Variants in MLXIP observed in about 807,000 individuals in gnomAD.
MLXIP encodes the protein MLX-interacting protein.
In MLXIP, 30 loss-of-function variants were observed where a neutral mutation model predicts 87.2. The observed-to-expected ratio is 0.34, with a 90% confidence interval of 0.26 to 0.47. The LOEUF is 0.47. Among genes scored for constraint, MLXIP ranks in the 20% least tolerant of loss-of-function variants. The probability of loss-of-function intolerance (pLI) is 1.00; values close to 1 mark genes in which losing one functional copy is unlikely to be tolerated. For synonymous variants in MLXIP, 530 were observed against 514.0 expected, an observed-to-expected ratio of 1.03 and a Z score of -0.42; for missense variants, 1,002 against 1,240.1, an observed-to-expected ratio of 0.81 and a Z score of 2.88.
At chr12:122,119,025 G>A (rs1952736212) in intron 1 of MLXIP, among the ~76,000 whole-genome samples, 1 of 151,880 alleles carries the variant, frequency 6.6e-6, no homozygotes, top group Non-Finnish European at 1.5e-5. Flanking sequence ...AATTAGCTGG[G>A]CATGGTGGCG....
At chr12:122,093,495 T>C (rs984358318) in intron 1 of MLXIP, among the ~76,000 whole-genome samples, 87 of 142,252 alleles carry the variant, frequency 6.1e-4, no homozygotes, top group Non-Finnish European at 1.2e-3. Context: ...GGTGTGTGTG[T>C]GCGGTGTCTG....
chr12:122,082,597 T>G (rs1374545298), intron 1 of MLXIP, among the ~76,000 whole-genome samples: 1 of 152,196 alleles, frequency 6.6e-6, no homozygotes, highest in African/African-American at 2.4e-5. Context: ...ATCTGACATT[T>G]ATGAGGAGCC....
chr12:122,101,374 A>G (rs145057377), intron 1 of MLXIP, among the ~76,000 whole-genome samples: 2,284 of 151,534 alleles, frequency 0.015, 43 homozygotes, highest in African/African-American at 0.052. Context: ...GTAGGTAAAA[A>G]TAGACCTGCA....
chr12:122,101,681 C>T (rs1335811785), intron 1 of MLXIP, among the ~76,000 whole-genome samples: 2 of 149,822 alleles, frequency 1.3e-5, no homozygotes, highest in African/African-American at 2.5e-5. Flanking sequence ...CCCAGGTTCA[C>T]GCCATTCTCC....
At chr12:122,112,040 A>G (rs1777961487) in intron 1 of MLXIP, among the ~76,000 whole-genome samples, 1 of 152,244 alleles carries the variant, frequency 6.6e-6, no homozygotes, top group African/African-American at 2.4e-5. Flanking sequence ...AGAATTCTAA[A>G]ATTGTTTTAA....
intron 1 of MLXIP, among the ~76,000 whole-genome samples, chr12:122,093,801 GGT>G (rs1488287863): frequency 7.1e-6 from 1 of 140,370 alleles, no homozygotes; most frequent in Admixed American, 7.1e-5. Context: ...TGTGTGTGTC[GGT>G]GTGTGTCGTG....
chr12:122,137,286 A>G lies in MLXIP; in HGVS notation c.2033-183A>G. 1 of 570,756 alleles carries G rather than the reference A, an allele frequency of 1.8e-6. No homozygotes were observed. Among genetic ancestry groups the G allele is most frequent in the African/African-American group, 1.9e-5 (1 of 52,126 alleles). The allele number at this position is 570,756 out of a possible 1,614,324, so 35.4% of individuals were successfully genotyped here. On this transcript the variant is annotated intron_variant, in intron 11 of 16. Coordinates refer to ENST00000319080, the MANE Select transcript of MLXIP (RefSeq NM_014938.6). This position sits in a 1 kb window ranked among gnomAD's most constrained non-coding sequence, Gnocchi z 4.1. The stretch of plus-strand genomic sequence containing the variant: ...TAAGGGTGTTTTTGTTGTTGTTATT[A>G]ATTTAAGATTTTCAGGGAGTGAATA...
chr12:122,105,251 C>T (rs1348801461), intron 1 of MLXIP, among the ~76,000 whole-genome samples: 2 of 152,152 alleles, frequency 1.3e-5, no homozygotes, highest in African/African-American at 4.8e-5. Flanking sequence ...GCTCCTTACA[C>T]CTTAAGGACT....
At chr12:122,097,359 G>A (rs1952369751) in intron 1 of MLXIP, among the ~76,000 whole-genome samples, 2 of 151,980 alleles carry the variant, frequency 1.3e-5, no homozygotes, top group South Asian at 2.1e-4. Context: ...GGTGGCTCAC[G>A]CCTGTAATCA....
intron 1 of MLXIP, among the ~76,000 whole-genome samples, chr12:122,112,435 G>A (rs931373996): frequency 1.3e-5 from 2 of 152,090 alleles, no homozygotes; most frequent in African/African-American, 4.8e-5. Context: ...TCAGGAGGTC[G>A]AGACCATCCT....
intron 3 of MLXIP, chr12:122,128,173 A>T: frequency 1.8e-6 from 1 of 562,000 alleles, no homozygotes; most frequent in Non-Finnish European, 3.2e-6. Flanking sequence ...TCTCAGAGGG[A>T]CTGGCCCAGG....
chr12:122,141,226 CT>C, intron 16 of MLXIP, 143 bp downstream of exon 16: 1 of 1,269,198 alleles, frequency 7.9e-7, no homozygotes, highest in Non-Finnish European at 1.1e-6. Context: ...CCAGGAGGTC[CT>C]CAGTCAGGAG....
intron 7 of MLXIP, among the ~76,000 whole-genome samples, chr12:122,131,574 T>C (rs998609278): frequency 2.0e-5 from 3 of 150,420 alleles, no homozygotes; most frequent in Non-Finnish European, 3.0e-5. Context: ...CTCAGCCTCC[T>C]GAGTACCTGG....
intron 1 of MLXIP, among the ~76,000 whole-genome samples, chr12:122,105,819 C>T (rs1375400870): frequency 1.3e-5 from 2 of 151,964 alleles, no homozygotes; most frequent in Non-Finnish European, 2.9e-5. Context: ...CCCTTTCCCC[C>T]CCTTCTTTTC....
chr12:122,082,216 G>A (rs533614788), intron 1 of MLXIP, among the ~76,000 whole-genome samples: 1 of 152,144 alleles, frequency 6.6e-6, no homozygotes, highest in African/African-American at 2.4e-5. Context: ...CGTGCAGATG[G>A]GATTCCTTGT....
chr12:122,113,562 C>G (rs1162735125), intron 1 of MLXIP, among the ~76,000 whole-genome samples: 2 of 151,966 alleles, frequency 1.3e-5, no homozygotes, highest in South Asian at 4.1e-4. Context: ...GCCACCACAT[C>G]CAGCCTATTT....
chr12:122,136,332 G>C (rs1953089610), intron 11 of MLXIP: 1 of 152,144 alleles, frequency 6.6e-6, no homozygotes, highest in Non-Finnish European at 1.5e-5. Flanking sequence ...CATGGTGTAG[G>C]CCAGGCGCAG....
chr12:122,106,558 G>C (rs943680216), intron 1 of MLXIP, among the ~76,000 whole-genome samples: 4 of 145,596 alleles, frequency 2.7e-5, no homozygotes, highest in East Asian at 2.1e-4. Flanking sequence ...GGATGCATTT[G>C]ATTCCTGGTG....
intron 1 of MLXIP, among the ~76,000 whole-genome samples, chr12:122,106,740 T>G (rs1158790060): frequency 6.6e-6 from 1 of 151,696 alleles, no homozygotes; most frequent in Non-Finnish European, 1.5e-5. Context: ...TAGCTGGGAC[T>G]ACAGGCCTGC....
Sources: gnomAD v4.1 joint callset for allele counts (sites outside exome capture counted in the v4.1 genomes callset) on GRCh38, gnomAD v4.1.1 for gene constraint, Gnocchi (gnomAD v3.1) non-coding constraint, MANE v1.5 for transcripts, NCBI Gene and HGNC (gene_info 2026-07-23, HGNC 2026-07-21) for gene names.